FMN1: variants seen among roughly 807,000 people sequenced by gnomAD.
The protein encoded by FMN1 is formin 1.
FMN1 carries 110 observed loss-of-function variants against 132.4 expected under a neutral mutation model. The observed-to-expected ratio is 0.83, with a 90% confidence interval of 0.71 to 0.97. FMN1 has a LOEUF of 0.97. Ranked by LOEUF, FMN1 falls within the 50% of genes least tolerant of loss-of-function variation. The pLI is 0.00. For missense variants in FMN1, 1,792 were observed against 1,705.3 expected, an observed-to-expected ratio of 1.05 and a Z score of -0.90; for synonymous variants, 722 against 651.7, an observed-to-expected ratio of 1.11 and a Z score of -1.64.
chr15:33,123,687 T>C (rs1172537008), intron 4 of FMN1, among the ~76,000 whole-genome samples: 1 of 152,206 alleles, frequency 6.6e-6, no homozygotes, highest in Admixed American at 6.5e-5. Flanking sequence ...TTCCAAGACA[T>C]GAACGTCCCT....
chr15:32,962,812 A>G (rs2030735089), intron 9 of FMN1, among the ~76,000 whole-genome samples: 1 of 151,864 alleles, frequency 6.6e-6, no homozygotes, highest in Admixed American at 6.5e-5. Context: ...CAAACCAGTT[A>G]GAATGGCAAT....
At chr15:32,955,834 C>T (rs1022388457) in intron 9 of FMN1, among the ~76,000 whole-genome samples, 34 of 151,830 alleles carry the variant, frequency 2.2e-4, no homozygotes, top group African/African-American at 7.3e-4. Context: ...TGTGCGTGCG[C>T]GCACGTGTCT....
chr15:32,853,672 C>G (rs577238571), intron 17 of FMN1, among the ~76,000 whole-genome samples: 1 of 152,346 alleles, frequency 6.6e-6, no homozygotes, highest in East Asian at 1.9e-4. Context: ...CCAGCCCCTA[C>G]ATCATAGCAT....
chr15:32,891,968 G>A (rs1484654661), intron 15 of FMN1, among the ~76,000 whole-genome samples: 2 of 152,018 alleles, frequency 1.3e-5, no homozygotes, highest in African/African-American at 4.8e-5. Context: ...GAGTCTTTAG[G>A]GTTTTCAAGG....
At chr15:33,052,063 C>T (rs542467426) in intron 6 of FMN1, among the ~76,000 whole-genome samples, 25 of 152,236 alleles carry the variant, frequency 1.6e-4, no homozygotes, top group Admixed American at 1.4e-3. Context: ...GAATTGAGGC[C>T]GATGCTAACA....
chr15:32,875,806 C>T (rs2059623101), intron 16 of FMN1, among the ~76,000 whole-genome samples: 1 of 152,170 alleles, frequency 6.6e-6, no homozygotes. Context: ...TTGATATTCA[C>T]AAAACTATCC....
In FMN1 at chr15:33,137,172, A is replaced by G. The variant is rs57452678; in HGVS notation, c.1867+15876T>C. On this transcript the variant is annotated intron_variant, in intron 4 of 20. Transcript: ENST00000616417. ...TTTTAAGAGAATCTGATAACAATGT[A>G]TGTAAAAGTTCTGGGTAAGCAATGA... Among the ~76,000 whole-genome samples the G allele has an allele frequency of 4.7e-3, 714 of 150,732 alleles. 3 individuals carry two copies. Among genetic ancestry groups the G allele is most frequent in the African/African-American group, 0.017 (695 of 41,284 alleles).
At chr15:32,846,386 A>T (rs1051785444) in intron 17 of FMN1, among the ~76,000 whole-genome samples, 3 of 152,180 alleles carry the variant, frequency 2.0e-5, no homozygotes, top group Non-Finnish European at 2.9e-5. Flanking sequence ...TACAAGAAAC[A>T]ACCCCATCAA....
intron 16 of FMN1, among the ~76,000 whole-genome samples, chr15:32,887,303 C>T (rs1014927966): frequency 4.6e-5 from 7 of 152,136 alleles, no homozygotes; most frequent in African/African-American, 1.4e-4. Context: ...GCTCCATTTC[C>T]ACATTAACAC....
chr15:32,923,794 T>C (rs1298302245), intron 10 of FMN1, among the ~76,000 whole-genome samples: 1 of 152,224 alleles, frequency 6.6e-6, no homozygotes, highest in Non-Finnish European at 1.5e-5. Flanking sequence ...GAATGACTTC[T>C]ATCCATGGGG....
chr15:33,062,614 T>TC (rs1355804955), intron 6 of FMN1: 8 of 152,056 alleles, frequency 5.3e-5, no homozygotes, highest in African/African-American at 1.7e-4. Flanking sequence ...AGAGTGAGAC[T>TC]CCATCTCAAA....
intron 5 of FMN1, among the ~76,000 whole-genome samples, chr15:33,072,646 G>C (rs2038042348): frequency 1.3e-5 from 2 of 152,130 alleles, no homozygotes; most frequent in African/African-American, 4.8e-5. Flanking sequence ...GTCTAGGCTG[G>C]GCACAGTAGC....
chr15:33,057,195 T>C (rs1475945045), intron 6 of FMN1, among the ~76,000 whole-genome samples: 1 of 152,048 alleles, frequency 6.6e-6, no homozygotes, highest in Non-Finnish European at 1.5e-5. Context: ...CAGATAAAAC[T>C]AACCTATAGT....
intron 16 of FMN1, among the ~76,000 whole-genome samples, chr15:32,860,266 GGAAA>G (rs942737566): frequency 4.0e-5 from 6 of 150,722 alleles, no homozygotes; most frequent in East Asian, 3.9e-4. Flanking sequence ...GAAGGGGAAA[GGAAA>G]GAAAGAAAGG....
intron 3 of FMN1, among the ~76,000 whole-genome samples, chr15:33,167,866 A>G (rs1965170681): frequency 6.6e-6 from 1 of 152,196 alleles, no homozygotes; most frequent in African/African-American, 2.4e-5. Flanking sequence ...CACATTCAGT[A>G]GGCTGAGGAG....
intron 19 of FMN1, among the ~76,000 whole-genome samples, chr15:32,777,347 AC>A (rs1196942491): frequency 6.6e-6 from 1 of 151,724 alleles, no homozygotes; most frequent in East Asian, 1.9e-4. Context: ...AGATGTGATA[AC>A]CTATAGAATG....
At chr15:32,985,399 T>C (rs1377758692) in intron 7 of FMN1, among the ~76,000 whole-genome samples, 1 of 152,174 alleles carries the variant, frequency 6.6e-6, no homozygotes, top group African/African-American at 2.4e-5. Flanking sequence ...TGGGGACTCA[T>C]GTTTTTATTT....
chr15:33,164,076 G>A (rs1264571226), intron 3 of FMN1, among the ~76,000 whole-genome samples: 1 of 150,020 alleles, frequency 6.7e-6, no homozygotes, highest in Admixed American at 6.7e-5. Flanking sequence ...AGGACACATG[G>A]GGAGGAATCA....
At chr15:32,864,209 C>T (rs117993726) in intron 16 of FMN1, among the ~76,000 whole-genome samples, 4 of 152,106 alleles carry the variant, frequency 2.6e-5, no homozygotes, top group South Asian at 4.2e-4. Context: ...ATAAAAAGTA[C>T]CTATTTCATG....
Sources: gnomAD v4.1 joint callset for allele counts (sites outside exome capture counted in the v4.1 genomes callset) on GRCh38, gnomAD v4.1.1 for gene constraint, MANE v1.5 for transcripts, NCBI Gene and HGNC (gene_info 2026-07-23, HGNC 2026-07-21) for gene names.